Variants in UBASH3B observed in about 807,000 individuals in gnomAD.
UBASH3B encodes ubiquitin associated and SH3 domain containing B, also known as ubiquitin-associated and SH3 domain-containing protein B.
Under a neutral mutation model 83.4 loss-of-function variants are expected in UBASH3B, and 37 were observed. The ratio of observed to expected loss-of-function variants is 0.44; its 90% CI spans 0.34 to 0.58. The LOEUF is 0.58. Among genes scored for constraint, UBASH3B ranks in the 20% least tolerant of loss-of-function variants. The probability of loss-of-function intolerance (pLI) is 0.01; values close to 1 mark genes in which losing one functional copy is unlikely to be tolerated. For synonymous variants in UBASH3B, 304 were observed against 318.3 expected (o/e 0.96, Z 0.48); for missense variants, 657 against 827.2 (o/e 0.79, Z 2.52).
intron 1 of UBASH3B, among the ~76,000 whole-genome samples, chr11:122,749,579 G>T (rs955362361): frequency 6.6e-6 from 1 of 152,170 alleles, no homozygotes; most frequent in African/African-American, 2.4e-5. Flanking sequence ...TCTATTTAGT[G>T]AATTGACCAA....
At chr11:122,699,124 C>A (rs959715352) in intron 1 of UBASH3B, among the ~76,000 whole-genome samples, 17 of 152,224 alleles carry the variant, frequency 1.1e-4, no homozygotes, top group Non-Finnish European at 1.9e-4. Context: ...TGCTGGGATT[C>A]CAGGCGTGAG....
At chr11:122,735,820 G>C (rs1410589211) in intron 1 of UBASH3B, among the ~76,000 whole-genome samples, 1 of 152,184 alleles carries the variant, frequency 6.6e-6, no homozygotes, top group African/African-American at 2.4e-5. Flanking sequence ...TGGGATGTAG[G>C]GGGCATGAGA....
intron 1 of UBASH3B, among the ~76,000 whole-genome samples, chr11:122,706,235 C>G (rs1797383388): frequency 6.6e-6 from 1 of 151,684 alleles, no homozygotes; most frequent in Admixed American, 6.6e-5. Flanking sequence ...TCTGCCTCAG[C>G]CTCCCAAGTA....
intron 10 of UBASH3B, among the ~76,000 whole-genome samples, chr11:122,799,504 T>A (rs1012880365): frequency 5.5e-5 from 8 of 146,384 alleles, no homozygotes; most frequent in African/African-American, 7.5e-5. Context: ...AAAAAAAAAA[T>A]ACTCTGGCAG....
At chr11:122,771,551 C>A (rs1167247969) in intron 1 of UBASH3B, among the ~76,000 whole-genome samples, 1 of 152,184 alleles carries the variant, frequency 6.6e-6, no homozygotes, top group African/African-American at 2.4e-5. Context: ...TCTTACTTAG[C>A]TTTTAAGGTC....
At chr11:122,722,987 G>T (rs1187395170) in intron 1 of UBASH3B, among the ~76,000 whole-genome samples, 1 of 152,182 alleles carries the variant, frequency 6.6e-6, no homozygotes, top group East Asian at 1.9e-4. Context: ...TTACAGGCGT[G>T]AGCCACCGCG....
At chr11:122,688,286 C>T (rs1863833512) in intron 1 of UBASH3B, among the ~76,000 whole-genome samples, 1 of 151,892 alleles carries the variant, frequency 6.6e-6, no homozygotes, top group South Asian at 2.1e-4. Context: ...TCCTTCCTCC[C>T]TCCCTCTTGC....
At position 122,783,957 on chromosome 11, in the gene UBASH3B, T is replaced by A. The variant is rs866095425; in HGVS notation, c.771+735T>A. On this transcript the variant is annotated intron_variant, in intron 5 of 13. Coordinates refer to ENST00000284273, the MANE Select transcript of UBASH3B (RefSeq NM_032873.5). Reference sequence around the variant, plus strand: ...TAATATTGCCTTTTTTTTTTTTTTTTAAATGGAGTTTCATTCCTTGTTGCC... The same window carrying A: ...TAATATTGCCTTTTTTTTTTTTTTTAAAATGGAGTTTCATTCCTTGTTGCC... Among the ~76,000 whole-genome samples, 519 of 147,720 alleles carry A rather than the reference T, an allele frequency of 3.5e-3. 1 individual carries two copies. The highest frequency in any genetic ancestry group is 0.011 in the African/African-American group (447 of 40,080).
intron 6 of UBASH3B, among the ~76,000 whole-genome samples, chr11:122,789,863 T>C (rs939236834): frequency 6.6e-6 from 1 of 152,132 alleles, no homozygotes; most frequent in African/African-American, 2.4e-5. Flanking sequence ...AGGGGTCCAT[T>C]TCCCCCCTCC....
chr11:122,791,528 T>A (rs889881079), intron 6 of UBASH3B, among the ~76,000 whole-genome samples: 16 of 152,226 alleles, frequency 1.1e-4, no homozygotes, highest in Admixed American at 3.3e-4. Flanking sequence ...TTAGTGCTCA[T>A]CAAAGGAAAT....
intron 1 of UBASH3B, among the ~76,000 whole-genome samples, chr11:122,767,680 G>A (rs190876737): frequency 8.1e-4 from 123 of 152,304 alleles, no homozygotes; most frequent in African/African-American, 2.8e-3. Flanking sequence ...ACCACAGAGA[G>A]GCAAGCTCGC....
At chr11:122,742,283 C>T (rs556154241) in intron 1 of UBASH3B, among the ~76,000 whole-genome samples, 3 of 152,266 alleles carry the variant, frequency 2.0e-5, no homozygotes, top group South Asian at 2.1e-4. Flanking sequence ...AGAAGCAAAC[C>T]GAGCCAAGAA....
intron 10 of UBASH3B, among the ~76,000 whole-genome samples, 198 bp downstream of exon 10, chr11:122,799,232 T>A (rs1861207856): frequency 6.6e-6 from 1 of 152,214 alleles, no homozygotes. Flanking sequence ...GGCTCATGCC[T>A]GTAATCCCAG....
intron 8 of UBASH3B, among the ~76,000 whole-genome samples, chr11:122,796,589 G>T (rs1044324460): frequency 6.6e-5 from 10 of 152,064 alleles, no homozygotes; most frequent in African/African-American, 2.2e-4. Flanking sequence ...TCCCTGGCTC[G>T]CTCGGTTCCA....
At chr11:122,808,037 G>A in intron 12 of UBASH3B, 30 bp from the exon 13 acceptor site, 1 of 1,550,338 alleles carries the variant, frequency 6.5e-7, no homozygotes, top group Non-Finnish European at 8.9e-7. Context: ...TATAGAAACA[G>A]TCTTCCCATA....
intron 1 of UBASH3B, among the ~76,000 whole-genome samples, chr11:122,703,637 G>T (rs1194144190): frequency 2.0e-5 from 3 of 152,106 alleles, no homozygotes; most frequent in Non-Finnish European, 4.4e-5. Flanking sequence ...TGAATAAGTG[G>T]GATTGTCTGA....
At position 122,656,188 on chromosome 11, in the gene UBASH3B, A is replaced by G. The variant is rs1469769795; in HGVS notation, c.139A>G (p.Met47Val). 5 of 1,516,998 alleles carry G rather than the reference A, an allele frequency of 3.3e-6. No homozygotes were observed. The Admixed American group carries it at 6.2e-5, about 19-fold the overall frequency. The allele number at this position is 1,516,998 out of a possible 1,614,324, so 94.0% of individuals were successfully genotyped here. ...ATCGGCGCTGGACGTGCTCCTCTCC[A>G]TGGGGTTCCCCAGAGCCCGCGCGTA... Reference protein sequence around the residue: ...HGSALDVLLSMGFPRARAQKA... With the variant: ...HGSALDVLLSVGFPRARAQKA... Residue 47 changes from methionine to valine, a missense_variant, in exon 1 of 14, where the codon ATG becomes GTG. Physicochemically the swap from Met to Val is conservative, Grantham distance 21. Transcript: ENST00000284273.
intron 3 of UBASH3B, 142 bp downstream of exon 3, chr11:122,777,352 A>G (rs1336493574): frequency 2.2e-6 from 2 of 926,782 alleles, no homozygotes; most frequent in African/African-American, 3.4e-5. Flanking sequence ...CCTTCAAGGG[A>G]TCAGTGAGGT....
In UBASH3B at chr11:122,746,745, A is replaced by G. The variant is rs530262999; in HGVS notation, c.162-29474A>G. ...TATTCATTCTGTACTTATTTCATGA[A>G]TAGTTCAGGGCATTTACCGTGTGCT... On this transcript the variant is annotated intron_variant, in intron 1 of 13. Transcript: ENST00000284273. Among the ~76,000 whole-genome samples the G allele has an allele frequency of 2.0e-5, 3 of 152,276 alleles. No individual in the cohort carries two copies. The East Asian group carries it at 5.8e-4, about 29-fold the overall frequency.
Sources: gnomAD v4.1 joint callset for allele counts (sites outside exome capture counted in the v4.1 genomes callset) on GRCh38, gnomAD v4.1.1 for gene constraint, MANE v1.5 for transcripts, NCBI Gene and HGNC (gene_info 2026-07-23, HGNC 2026-07-21) for gene names.